Variants in NMNAT2 observed in about 807,000 individuals in gnomAD.
NMNAT2 encodes the protein nicotinamide/nicotinic acid mononucleotide adenylyltransferase 2.
Under a neutral mutation model 41.6 loss-of-function variants are expected in NMNAT2, and 11 were observed. The observed-to-expected ratio is 0.26, with a 90% confidence interval of 0.17 to 0.44. NMNAT2 has a LOEUF of 0.44. NMNAT2 is among the 20% of genes least tolerant of loss of function. The probability of loss-of-function intolerance (pLI) is 1.00; values close to 1 mark genes in which losing one functional copy is unlikely to be tolerated. For synonymous variants in NMNAT2, 148 were observed against 151.2 expected (o/e 0.98, Z 0.16); for missense variants, 288 against 407.7 (o/e 0.71, Z 2.53).
intron 1 of NMNAT2, among the ~76,000 whole-genome samples, chr1:183,380,101 C>T (rs145294119): frequency 4.4e-4 from 67 of 152,304 alleles, no homozygotes; most frequent in African/African-American, 1.4e-3. Context: ...TACATCACAG[C>T]GTTCTCTTCA....
intron 1 of NMNAT2, among the ~76,000 whole-genome samples, chr1:183,394,908 A>G (rs1378180282): frequency 1.3e-5 from 2 of 152,186 alleles, no homozygotes; most frequent in South Asian, 2.1e-4. Flanking sequence ...CTGGATGCTC[A>G]TTGACAATGT....
chr1:183,323,870 G>C (rs912590068), intron 1 of NMNAT2, among the ~76,000 whole-genome samples: 5 of 152,232 alleles, frequency 3.3e-5, no homozygotes, highest in Non-Finnish European at 1.5e-5. Flanking sequence ...GGCCTAAGAG[G>C]CTAAGAGAGA....
At chr1:183,269,718 T>C (rs1660931417) in intron 8 of NMNAT2, among the ~76,000 whole-genome samples, 1 of 152,204 alleles carries the variant, frequency 6.6e-6, no homozygotes. Flanking sequence ...AGTTCTTATT[T>C]CATAGGTGGG....
intron 8 of NMNAT2, among the ~76,000 whole-genome samples, chr1:183,269,393 G>A (rs539507219): frequency 9.2e-5 from 14 of 152,278 alleles, no homozygotes; most frequent in Admixed American, 6.5e-4. Context: ...AACTTCCATC[G>A]GCAACAGGAT....
chr1:183,391,642 T>C (rs1486875587), intron 1 of NMNAT2, among the ~76,000 whole-genome samples: 2 of 152,156 alleles, frequency 1.3e-5, no homozygotes, highest in African/African-American at 4.8e-5. Context: ...TTTAAATAGG[T>C]GCTCTCCATT....
chr1:183,412,823 A>G (rs1649154947), intron 1 of NMNAT2, among the ~76,000 whole-genome samples: 1 of 152,252 alleles, frequency 6.6e-6, no homozygotes, highest in Non-Finnish European at 1.5e-5. Context: ...TCTAGGGAAT[A>G]TGCTTTACTA....
Position 183,269,230 on chromosome 1 carries a change from G to A in NMNAT2, c.652-7927C>T, listed in dbSNP as rs550173948. 5.3e-5 allele frequency among the ~76,000 whole-genome samples: 8 copies of A among 152,330 alleles called. No individual in the cohort carries two copies. In the East Asian group the frequency reaches 1.5e-3, roughly 29 times the overall value. ...CCAATGAGGCCACAGCTAGTACAAAGACCCTGAGGTGGGGAAAACTGTTTA... is the reference window on the plus strand; with the variant it reads ...CCAATGAGGCCACAGCTAGTACAAAAACCCTGAGGTGGGGAAAACTGTTTA... On this transcript the variant is annotated intron_variant, in intron 8 of 10. Coordinates refer to ENST00000287713, the MANE Select transcript of NMNAT2 (RefSeq NM_015039.4).
At chr1:183,278,727 AC>A in intron 7 of NMNAT2, 98 bp from the exon 8 acceptor site, 1 of 840,292 alleles carries the variant, frequency 1.2e-6, no homozygotes, top group Non-Finnish European at 2.0e-6. Flanking sequence ...TAACTCTCCC[AC>A]CTTTGGGGAT....
intron 4 of NMNAT2, among the ~76,000 whole-genome samples, chr1:183,289,734 A>G (rs1186001938): frequency 6.6e-6 from 1 of 152,106 alleles, no homozygotes; most frequent in Non-Finnish European, 1.5e-5. Flanking sequence ...ACCTCCCCTA[A>G]GTGCTTCTCT....
intron 1 of NMNAT2, among the ~76,000 whole-genome samples, chr1:183,381,149 G>A (rs1663795334): frequency 6.6e-6 from 1 of 152,168 alleles, no homozygotes; most frequent in Admixed American, 6.5e-5. Context: ...GTGAGGGTGT[G>A]TGGGAGAGAG....
rs140303113 is a variant in NMNAT2 at position 183,266,829 on chromosome 1, G to A, written c.652-5526C>T. On this transcript the variant is annotated intron_variant, in intron 8 of 10. Transcript: ENST00000287713. The stretch of plus-strand genomic sequence containing the variant: ...CTGGATCTTACCCATGACAAAATGC[G>A]TTCTATTGTCAAAAAAAATGGCAGA... 242 of 169,968 alleles carry A rather than the reference G, an allele frequency of 1.4e-3. 4 individuals are homozygous for A. In the South Asian group the frequency reaches 0.017, roughly 12 times the overall value. 10.5% of individuals were successfully genotyped at this position (169,968 alleles called of 1,614,324 possible).
intron 1 of NMNAT2, among the ~76,000 whole-genome samples, chr1:183,403,985 AG>A (rs1265118258): frequency 6.6e-6 from 1 of 152,174 alleles, no homozygotes; most frequent in Admixed American, 6.6e-5. Context: ...TGGAAGAAAA[AG>A]GGTCCCTATT....
At chr1:183,382,492 A>G (rs1195748490) in intron 1 of NMNAT2, among the ~76,000 whole-genome samples, 1 of 152,176 alleles carries the variant, frequency 6.6e-6, no homozygotes, top group Non-Finnish European at 1.5e-5. Context: ...TCAAAAGTCC[A>G]CATTCCAAAG....
At position 183,345,739 on chromosome 1, in the gene NMNAT2, C is replaced by T. The variant is rs535074997; in HGVS notation, c.86-51946G>A. 4.3e-4 allele frequency among the ~76,000 whole-genome samples: 64 copies of T among 150,322 alleles called. 2 individuals are homozygous for T. The East Asian group carries it at 0.01, about 24-fold the overall frequency. On this transcript the variant is annotated intron_variant, in intron 1 of 10. Transcript: ENST00000287713. ...TCTCACACTGTTGCCCAGGCTGGAG[C>T]GCAGTGGCGCGATCTCGGCTCACTG... is the stretch of plus-strand genomic sequence containing the variant.
At chr1:183,346,492 C>A (rs1037141301) in intron 1 of NMNAT2, among the ~76,000 whole-genome samples, 1 of 152,134 alleles carries the variant, frequency 6.6e-6, no homozygotes, top group African/African-American at 2.4e-5. Flanking sequence ...CAAAATGGAG[C>A]CCCTCGTGCT....
chr1:183,357,219 C>CTTTTTTTT (rs11343113), intron 1 of NMNAT2, among the ~76,000 whole-genome samples: 1 of 71,600 alleles, frequency 1.4e-5, no homozygotes, highest in Non-Finnish European at 2.7e-5. Flanking sequence ...ACATCAAATT[C>CTTTTTTTT]TTTTTTTTTT....
chr1:183,290,399 G>A (rs1661509803), intron 3 of NMNAT2, among the ~76,000 whole-genome samples, 193 bp from the exon 4 acceptor site: 1 of 152,184 alleles, frequency 6.6e-6, no homozygotes, highest in Admixed American at 6.5e-5. Context: ...AATGAGAGGA[G>A]CATGGCATAG....
intron 1 of NMNAT2, among the ~76,000 whole-genome samples, chr1:183,336,487 C>T (rs918458891): frequency 1.3e-5 from 2 of 152,140 alleles, no homozygotes; most frequent in Non-Finnish European, 2.9e-5. Flanking sequence ...ACTCTTCACC[C>T]AATTTCCCCC....
At chr1:183,332,889 A>T (rs1275550412) in intron 1 of NMNAT2, among the ~76,000 whole-genome samples, 1 of 152,210 alleles carries the variant, frequency 6.6e-6, no homozygotes. Flanking sequence ...AAAACTCTGC[A>T]CATTTATCCT....
Sources: allele counts gnomAD v4.1 joint callset (sites outside exome capture counted in the v4.1 genomes callset), GRCh38; gene constraint gnomAD v4.1.1; transcripts MANE v1.5; gene names NCBI Gene and HGNC (gene_info 2026-07-23, HGNC 2026-07-21).